Variants in FAM199X observed in about 807,000 individuals in gnomAD.
The protein encoded by FAM199X is family with sequence similarity 199, X-linked.
Under a neutral mutation model 22.9 loss-of-function variants are expected in FAM199X, and 4 were observed. The observed-to-expected ratio is 0.17, with a 90% CI of 0.09 to 0.40. The LOEUF (loss-of-function observed/expected upper bound fraction) is 0.40. FAM199X is among the 10% of genes least tolerant of loss of function. FAM199X has a pLI of 1.00. For missense variants in FAM199X, 183 were observed against 306.8 expected, an observed-to-expected ratio of 0.60 and a Z score of 3.01; for synonymous variants, 101 against 112.3, an observed-to-expected ratio of 0.90 and a Z score of 0.64.
intron 2 of FAM199X, among the ~76,000 whole-genome samples, chrX:104,178,160 TTTTG>T (rs1235524430): frequency 4.5e-5 from 5 of 111,171 alleles, no homozygotes; most frequent in South Asian, 3.8e-4. Flanking sequence ...TTTTGTTTTT[TTTTG>T]TTTGTTTGTT....
chrX:104,188,514 A>T (rs1190410307), intron 5 of FAM199X, among the ~76,000 whole-genome samples: 2 of 111,531 alleles, frequency 1.8e-5, no homozygotes, highest in Non-Finnish European at 3.8e-5. Flanking sequence ...ACCATATTGC[A>T]TTCAATCTTA....
At chrX:104,176,559 T>G (rs189689736) in intron 2 of FAM199X, among the ~76,000 whole-genome samples, 11 of 112,667 alleles carry the variant, frequency 9.8e-5, no homozygotes, top group African/African-American at 3.5e-4. Flanking sequence ...ACTTGAAGTT[T>G]TATTCCAAAA....
rs1344944690 is a variant in FAM199X at position 104,192,579 on chromosome X, A to G, written c.*2801A>G. 8.9e-6 allele frequency: 1 copy of G among 112,021 alleles called. No homozygotes were observed. Among genetic ancestry groups the G allele is most frequent in the East Asian group, 2.8e-4 (1 of 3,606 alleles). The allele number at this position is 112,021 out of a possible 1,213,427, so 9.2% of individuals were successfully genotyped here. On this transcript the variant is annotated 3_prime_UTR_variant, in exon 6 of 6. Coordinates refer to ENST00000493442, the MANE Select transcript of FAM199X (RefSeq NM_207318.4). ...GATGAGACTTGCATTTAACAAAATG[A>G]CATATATAATATTTTTCTATAGTTT...
In FAM199X at chrX:104,192,385, G is replaced by C. The variant is rs1269016643; in HGVS notation, c.*2607G>C. ...AAAAAGGCAAGACTTACTTGCTGTAGTATTGGTTCTCATCTGTAGAGAACT... is the reference window on the plus strand; with the variant it reads ...AAAAAGGCAAGACTTACTTGCTGTACTATTGGTTCTCATCTGTAGAGAACT... On this transcript the variant is annotated 3_prime_UTR_variant, in exon 6 of 6. Coordinates refer to ENST00000493442, the MANE Select transcript of FAM199X (RefSeq NM_207318.4). 9.0e-6 allele frequency: 1 copy of C among 111,683 alleles called. No homozygotes were observed. The highest frequency in any genetic ancestry group is 3.2e-5 in the African/African-American group (1 of 30,866). 9.2% of individuals were successfully genotyped at this position (111,683 alleles called of 1,213,427 possible).
At chrX:104,159,698 A>G in the FAM199X span, among the ~76,000 whole-genome samples, 8 of 112,023 alleles carry the variant, frequency 7.1e-5, no homozygotes, top group East Asian at 2.8e-4. Flanking sequence ...CAAGGCAGAT[A>G]GATCCATCCC....
At chrX:104,161,338 A>G in the FAM199X span, among the ~76,000 whole-genome samples, 1 of 112,310 alleles carries the variant, frequency 8.9e-6, no homozygotes, top group African/African-American at 3.2e-5. Context: ...TCATTAAAGC[A>G]TAGGAAAGAA....
chrX:104,163,201 T>C (rs1556372996), upstream of FAM199X, among the ~76,000 whole-genome samples: 1 of 110,804 alleles, frequency 9.0e-6, no homozygotes, highest in Non-Finnish European at 1.9e-5. Context: ...TTGGGTTAAG[T>C]CCAGTATATT....
rs1921944796 is a variant in FAM199X, at chrX:104,191,724, A to G, written c.*1946A>G. 1 of 112,117 alleles carries G rather than the reference A, an allele frequency of 8.9e-6. No individual in the cohort carries two copies. Among genetic ancestry groups the G allele is most frequent in the South Asian group, 3.7e-4 (1 of 2,701 alleles). 9.2% of individuals were successfully genotyped at this position (112,117 alleles called of 1,213,427 possible). On this transcript the variant is annotated 3_prime_UTR_variant, in exon 6 of 6. Coordinates refer to ENST00000493442, the MANE Select transcript of FAM199X (RefSeq NM_207318.4). The stretch of plus-strand genomic sequence containing the variant: ...AAAACAGGCCACTTTTGGAGACCAT[A>G]GAGCACCATTTATCTGTCAAATACT...
intron 2 of FAM199X, among the ~76,000 whole-genome samples, chrX:104,183,140 AT>A (rs1451225622): frequency 9.0e-6 from 1 of 111,174 alleles, no homozygotes; most frequent in Non-Finnish European, 1.9e-5. Flanking sequence ...ATTTAGGTGA[AT>A]TTTTTTTATT....
chrX:104,183,878 G>T (rs781917092), intron 2 of FAM199X, among the ~76,000 whole-genome samples: 24 of 112,086 alleles, frequency 2.1e-4, no homozygotes, highest in Non-Finnish European at 4.5e-4. Context: ...AGCTACTTAT[G>T]GGGGTGTAGA....
chrX:104,164,837 C>T (rs2147886590), upstream of FAM199X, among the ~76,000 whole-genome samples: 1 of 111,283 alleles, frequency 9.0e-6, no homozygotes, highest in South Asian at 3.7e-4. Context: ...CCAAGATCGC[C>T]CCAATACACT....
At chrX:104,180,068 C>T (rs1921607505) in intron 2 of FAM199X, among the ~76,000 whole-genome samples, 1 of 106,265 alleles carries the variant, frequency 9.4e-6, no homozygotes, top group South Asian at 4.3e-4. Flanking sequence ...GAATTGACCT[C>T]CTGGGCTCAA....
chrX:104,185,948 C>T lies in FAM199X; in HGVS notation c.418-118C>T, dbSNP rs983936761. The T allele has an allele frequency of 5.6e-6, 4 of 718,316 alleles. No individual in the cohort carries two copies. The Admixed American group carries it at 9.5e-5, about 17-fold the overall frequency. 59.2% of individuals were successfully genotyped at this position (718,316 alleles called of 1,213,427 possible). ...AAGGAAGCCCTCTTAGCACAGCCAG[C>T]AGCACGTCAGTCTCATAAACTAACT... On this transcript the variant is annotated intron_variant, in intron 2 of 5. Transcript: ENST00000493442.
the FAM199X span, among the ~76,000 whole-genome samples, chrX:104,160,062 T>A: frequency 8.9e-6 from 1 of 112,234 alleles, no homozygotes; most frequent in Non-Finnish European, 1.9e-5. Context: ...ATGCCCCACC[T>A]TAGGCTCTGC....
intron 1 of FAM199X, among the ~76,000 whole-genome samples, chrX:104,170,616 A>T (rs1921327844): frequency 9.0e-6 from 1 of 111,443 alleles, no homozygotes; most frequent in South Asian, 3.7e-4. Flanking sequence ...TTTCTTTTCC[A>T]AGAATAGAGA....
rs1265954003 is a variant in FAM199X at position 104,194,337 on chromosome X, T to C, written c.*4559T>C. 8.9e-6 allele frequency: 1 copy of C among 111,866 alleles called. No homozygotes were observed. Among genetic ancestry groups the C allele is most frequent in the African/African-American group, 3.2e-5 (1 of 30,902 alleles). The allele number at this position is 111,866 out of a possible 1,213,427, so 9.2% of individuals were successfully genotyped here. A position where few individuals can be genotyped will look rare whatever the true frequency, so the allele number is the denominator to read the frequency against. On this transcript the variant is annotated 3_prime_UTR_variant, in exon 6 of 6. Transcript: ENST00000493442. ...TGGGGGTGAAAAAGGGGAGACTTGC[T>C]CTAATTATGCATATACATTTGACTA...
rs139469784 is a variant in FAM199X at position 104,184,884 on chromosome X, G to A, written c.418-1182G>A. 5.0e-3 allele frequency among the ~76,000 whole-genome samples: 538 copies of A among 107,931 alleles called. 4 individuals carry two copies. The highest frequency in any genetic ancestry group is 0.017 in the African/African-American group (499 of 29,645). 93.7% of individuals were successfully genotyped at this position (107,931 alleles called of 115,157 possible). ...CAGCCTCAACCTCCCAGGTTCAAGCGATCCTTACATCTCAGACCACAGGCA... is the reference window on the plus strand; with the variant it reads ...CAGCCTCAACCTCCCAGGTTCAAGCAATCCTTACATCTCAGACCACAGGCA... On this transcript the variant is annotated intron_variant, in intron 2 of 5. Coordinates refer to ENST00000493442, the MANE Select transcript of FAM199X (RefSeq NM_207318.4).
At position 104,194,625 on chromosome X, in the gene FAM199X, TAAC is replaced by T. The variant is rs1922014813; in HGVS notation, c.*4850_*4852del. 1 of 112,232 alleles carries T rather than the reference TAAC, an allele frequency of 8.9e-6. No individual in the cohort carries two copies. The highest frequency in any genetic ancestry group is 9.5e-5 in the Admixed American group (1 of 10,580). 9.2% of individuals were successfully genotyped at this position (112,232 alleles called of 1,213,427 possible). On this transcript the variant is annotated 3_prime_UTR_variant, in exon 6 of 6. Coordinates refer to ENST00000493442, the MANE Select transcript of FAM199X (RefSeq NM_207318.4). ...AATTTCCTATTTGAGTACTCTCACT[TAAC>T]AAGTATTATCTATTCTGAACCTTTG... is the stretch of plus-strand genomic sequence containing the variant.
chrX:104,176,194 A>G (rs1921486404), intron 2 of FAM199X, among the ~76,000 whole-genome samples: 1 of 112,201 alleles, frequency 8.9e-6, no homozygotes, highest in African/African-American at 3.2e-5. Flanking sequence ...AATATCAGTC[A>G]CATTATGTAC....
Sources: gnomAD v4.1 joint callset for allele counts (sites outside exome capture counted in the v4.1 genomes callset) on GRCh38, gnomAD v4.1.1 for gene constraint, MANE v1.5 for transcripts, NCBI Gene and HGNC (gene_info 2026-07-23, HGNC 2026-07-21) for gene names.